Variants in SLC5A12 observed in about 807,000 individuals in gnomAD.
SLC5A12 encodes the protein solute carrier family 5 member 12, also known as sodium-coupled monocarboxylate transporter 2.
Under a neutral mutation model 72.7 loss-of-function variants are expected in SLC5A12, and 46 were observed. That is an observed-to-expected ratio of 0.63 (90% confidence interval 0.50 to 0.81). The LOEUF is 0.81. SLC5A12 is among the 30% of genes least tolerant of loss of function. The pLI, the probability that SLC5A12 is intolerant of heterozygous loss-of-function variation, is 0.00. For synonymous variants in SLC5A12, 275 were observed against 264.4 expected, an observed-to-expected ratio of 1.04 and a Z score of -0.39; for missense variants, 683 against 740.7, an observed-to-expected ratio of 0.92 and a Z score of 0.90.
At chr11:26,690,179 G>T (rs1249963790) in intron 9 of SLC5A12, among the ~76,000 whole-genome samples, 1 of 152,064 alleles carries the variant, frequency 6.6e-6, no homozygotes, top group Non-Finnish European at 1.5e-5. Context: ...GTGGTGGTGG[G>T]TTCAGATAGG....
chr11:26,673,551 G>C (rs1333547354), intron 13 of SLC5A12, 22 bp from the exon 14 acceptor site: 3 of 1,580,384 alleles, frequency 1.9e-6, no homozygotes, highest in Non-Finnish European at 2.6e-6. Flanking sequence ...AGAACAAATA[G>C]ATTAGATGGT....
At chr11:26,671,609 G>C (rs989482800) in intron 14 of SLC5A12, among the ~76,000 whole-genome samples, 3 of 152,010 alleles carry the variant, frequency 2.0e-5, no homozygotes, top group Non-Finnish European at 4.4e-5. Context: ...CTTCCTACCT[G>C]GGAATAGGAG....
rs745529458 is a variant in SLC5A12, at chr11:26,709,345, T to G, written c.492A>C (p.Ala164=). ...TGFDLWGSVF[A]TGIVCTFYCT... is the part of the protein sequence containing the mutation. ...AGTAGAATGTGCAAACAATTCCTGT[T>G]GCAAACACAGAGCCCCAGAGATCAA... The change falls in exon 4 of 15, where the codon GCA becomes GCC. Residue 164 remains alanine, a synonymous_variant. Coordinates refer to ENST00000396005, the MANE Select transcript of SLC5A12 (RefSeq NM_178498.4). 2.5e-6 allele frequency: 4 copies of G among 1,611,834 alleles called. No homozygotes were observed. The highest frequency in any genetic ancestry group is 2.7e-5 in the African/African-American group (2 of 74,894).
intron 4 of SLC5A12, among the ~76,000 whole-genome samples, chr11:26,707,324 C>T (rs963001088): frequency 6.6e-6 from 1 of 151,916 alleles, no homozygotes; most frequent in Non-Finnish European, 1.5e-5. Flanking sequence ...TTTAAGGTTA[C>T]ACTTTCTAAA....
chr11:26,711,035 T>A (rs1023518327), intron 3 of SLC5A12, among the ~76,000 whole-genome samples: 8 of 152,074 alleles, frequency 5.3e-5, no homozygotes, highest in Non-Finnish European at 1.0e-4. Flanking sequence ...ATAATTCCAA[T>A]GATTTAAAAA....
chr11:26,707,978 A>G (rs1855130156), intron 4 of SLC5A12, among the ~76,000 whole-genome samples: 2 of 151,978 alleles, frequency 1.3e-5, no homozygotes, highest in African/African-American at 4.8e-5. Context: ...TATAGTCCCA[A>G]GCTCAGTTTC....
Position 26,711,359 on chromosome 11 carries a change from C to A in SLC5A12, c.406-1G>T, listed in dbSNP as rs1343133914. On this transcript the variant is annotated splice_acceptor_variant, in intron 2 of 14. Coordinates refer to ENST00000396005, the MANE Select transcript of SLC5A12 (RefSeq NM_178498.4). LOFTEE classifies it high-confidence loss of function. ...ACACCACCACTCCTGTGTAGAGAAT[C>A]TGGTAGAGAAACAAGAATCAGATTG... is the stretch of plus-strand genomic sequence containing the variant. 1 of 1,611,096 alleles carries A rather than the reference C, an allele frequency of 6.2e-7. No individual in the cohort carries two copies. Among genetic ancestry groups the A allele is most frequent in the Non-Finnish European group, 8.5e-7 (1 of 1,178,144 alleles).
chr11:26,719,421 C>T (rs564187505), intron 1 of SLC5A12, among the ~76,000 whole-genome samples: 2 of 152,276 alleles, frequency 1.3e-5, no homozygotes, highest in African/African-American at 2.4e-5. Flanking sequence ...AGTAGTGACT[C>T]CTAATCATTG....
chr11:26,711,042 A>C (rs1855214705), intron 3 of SLC5A12, among the ~76,000 whole-genome samples: 1 of 152,144 alleles, frequency 6.6e-6, no homozygotes, highest in South Asian at 2.1e-4. Context: ...CAATGATTTA[A>C]AAATAAAAAC....
intron 8 of SLC5A12, among the ~76,000 whole-genome samples, chr11:26,693,085 T>C (rs1233110895): frequency 6.6e-6 from 1 of 152,220 alleles, no homozygotes; most frequent in African/African-American, 2.4e-5. Context: ...ACGTAGATCT[T>C]GCACTCTAAC....
intron 1 of SLC5A12, among the ~76,000 whole-genome samples, chr11:26,715,473 G>T (rs1412878500): frequency 6.6e-6 from 1 of 152,036 alleles, no homozygotes; most frequent in Non-Finnish European, 1.5e-5. Context: ...ATCCCCAGTT[G>T]GATTGAACCC....
chr11:26,691,103 A>C (rs1399482508), intron 9 of SLC5A12, among the ~76,000 whole-genome samples: 1 of 152,110 alleles, frequency 6.6e-6, no homozygotes, highest in African/African-American at 2.4e-5. Context: ...CAAACAATAA[A>C]ATTTCCAATG....
At position 26,692,511 on chromosome 11, in the gene SLC5A12, G is replaced by T; in HGVS notation, c.1131C>A (p.Ser377Arg). 1 of 1,613,058 alleles carries T rather than the reference G, an allele frequency of 6.2e-7. No homozygotes were observed. The highest frequency in any genetic ancestry group is 1.7e-4 in the Middle Eastern group (1 of 6,058). Residue 377 changes from serine to arginine, a missense_variant, in exon 9 of 15, where the codon AGC becomes AGA. Transcript: ENST00000396005. ...TACATAAGCCTTTACTGATCCAGGT[G>T]CTCAGCTTGTCGGAGAGATGAGGAA... The part of the protein sequence containing the change: ...SCFPHLSDKL[S>R]TWISKGLCLL...
chr11:26,698,270 G>T, intron 7 of SLC5A12, 136 bp downstream of exon 7: 1 of 1,174,670 alleles, frequency 8.5e-7, no homozygotes, highest in Non-Finnish European at 1.2e-6. Context: ...CCCAAGAGAA[G>T]AAAGAAACCA....
intron 10 of SLC5A12, among the ~76,000 whole-genome samples, chr11:26,685,667 A>T (rs993149728): frequency 6.6e-6 from 1 of 152,072 alleles, no homozygotes; most frequent in Non-Finnish European, 1.5e-5. Flanking sequence ...GACTGAGAGA[A>T]TCGGAGTAGA....
chr11:26,688,290 G>T (rs1342779704), intron 9 of SLC5A12, among the ~76,000 whole-genome samples: 4 of 152,178 alleles, frequency 2.6e-5, no homozygotes, highest in Non-Finnish European at 5.9e-5. Flanking sequence ...TGCAGCATCA[G>T]CTCGGAGGAT....
intron 4 of SLC5A12, 29 bp downstream of exon 4, chr11:26,709,283 T>C (rs1189823743): frequency 3.2e-6 from 5 of 1,562,950 alleles, no homozygotes; most frequent in Non-Finnish European, 4.4e-6. Context: ...GAGGTAGTGT[T>C]AAATACTTCT....
chr11:26,673,280 C>A, intron 14 of SLC5A12, 122 bp downstream of exon 14: 1 of 1,140,206 alleles, frequency 8.8e-7, no homozygotes, highest in East Asian at 2.8e-5. Context: ...ACTCAAATTC[C>A]TTCAAGTTCT....
At chr11:26,706,141 T>A (rs1855084699) in intron 4 of SLC5A12, among the ~76,000 whole-genome samples, 1 of 151,966 alleles carries the variant, frequency 6.6e-6, no homozygotes, top group African/African-American at 2.4e-5. Flanking sequence ...ATTTTATACA[T>A]CCACAGGCTT....
Sources: gnomAD v4.1 joint callset for allele counts (sites outside exome capture counted in the v4.1 genomes callset) on GRCh38, gnomAD v4.1.1 for gene constraint, MANE v1.5 for transcripts, NCBI Gene and HGNC (gene_info 2026-07-23, HGNC 2026-07-21) for gene names.